Variants in SORCS2 observed in about 807,000 individuals in gnomAD.
SORCS2 encodes sortilin related VPS10 domain containing receptor 2.
SORCS2 carries 100 observed loss-of-function variants against 141.6 expected under a neutral mutation model. The observed-to-expected ratio is 0.71, with a 90% CI of 0.60 to 0.83. SORCS2 has a LOEUF of 0.83. Among genes scored for constraint, SORCS2 ranks in the 40% least tolerant of loss-of-function variants. SORCS2 has a pLI of 0.00. For synonymous variants in SORCS2, 789 were observed against 676.9 expected (o/e 1.17, Z -2.57); for missense variants, 1,646 against 1,560.2 (o/e 1.05, Z -0.93).
intron 1 of SORCS2, among the ~76,000 whole-genome samples, chr4:7,226,371 G>A (rs757238366): frequency 6.6e-6 from 1 of 152,192 alleles, no homozygotes; most frequent in Non-Finnish European, 1.5e-5. Flanking sequence ...GGACCTCTGC[G>A]TGTCCTTCCA....
chr4:7,331,617 C>T (rs1400716832), intron 1 of SORCS2, among the ~76,000 whole-genome samples: 1 of 152,092 alleles, frequency 6.6e-6, no homozygotes, highest in Non-Finnish European at 1.5e-5. Context: ...AGATCCTCTA[C>T]AGCAGCAGGT....
At chr4:7,520,107 A>C (rs1205814950) in intron 2 of SORCS2, among the ~76,000 whole-genome samples, 1 of 152,182 alleles carries the variant, frequency 6.6e-6, no homozygotes, top group Non-Finnish European at 1.5e-5. Flanking sequence ...TTGGCTGACC[A>C]GGGTGGACTC....
At chr4:7,563,016 A>G (rs1000194654) in intron 3 of SORCS2, among the ~76,000 whole-genome samples, 18 of 152,320 alleles carry the variant, frequency 1.2e-4, no homozygotes, top group Non-Finnish European at 2.5e-4. Context: ...TGTGTGGAGC[A>G]CCATTTAACC....
intron 3 of SORCS2, among the ~76,000 whole-genome samples, chr4:7,631,875 G>A (rs1719920577): frequency 6.6e-6 from 1 of 152,224 alleles, no homozygotes; most frequent in Non-Finnish European, 1.5e-5. Context: ...CTGTCTTTGA[G>A]GGTGGGAGGG....
intron 1 of SORCS2, among the ~76,000 whole-genome samples, chr4:7,224,835 A>T (rs1017998154): frequency 3.3e-5 from 5 of 152,170 alleles, no homozygotes; most frequent in African/African-American, 9.7e-5. Context: ...GTCCTCTCTC[A>T]TGAGCTCACT....
chr4:7,483,503 C>T (rs919777542), intron 2 of SORCS2, among the ~76,000 whole-genome samples: 17 of 151,992 alleles, frequency 1.1e-4, no homozygotes, highest in South Asian at 4.2e-4. Context: ...GTACTGTTGA[C>T]GCCTCGATTT....
intron 2 of SORCS2, among the ~76,000 whole-genome samples, chr4:7,424,256 CCT>C (rs1442508104): frequency 2.0e-5 from 3 of 152,200 alleles, no homozygotes; most frequent in Admixed American, 2.0e-4. Context: ...GCCTCTGGCT[CCT>C]CGTCTGAAGG....
chr4:7,725,998 C>T (rs1292222172), intron 20 of SORCS2, among the ~76,000 whole-genome samples: 1 of 152,366 alleles, frequency 6.6e-6, no homozygotes, highest in Middle Eastern at 3.4e-3. Flanking sequence ...GCTGAATGCT[C>T]CACACATGTC....
chr4:7,413,580 G>T (rs1725468147), intron 2 of SORCS2, among the ~76,000 whole-genome samples: 1 of 151,940 alleles, frequency 6.6e-6, no homozygotes, highest in Non-Finnish European at 1.5e-5. Context: ...TGGAGATGGG[G>T]TTTTGCCACA....
In SORCS2 at chr4:7,712,814, C is replaced by T. The variant is rs376764109; in HGVS notation, c.1950C>T (p.Gly650=). Reference sequence around the variant, plus strand: ...GGCCCTCATTCTCCAGGCAGTGCGGCGAGGAGGACTACAGCTCCTGGGAGC... The same window carrying T: ...GGCCCTCATTCTCCAGGCAGTGCGGTGAGGAGGACTACAGCTCCTGGGAGC... ...DFRPSFSRQC[G]EEDYSSWELS... Residue 650 remains glycine (G), a synonymous_variant, in exon 15 of 27, where the codon GGC becomes GGT. Coordinates refer to ENST00000507866, the MANE Select transcript of SORCS2 (RefSeq NM_020777.3). The T allele has an allele frequency of 3.2e-5, 52 of 1,613,954 alleles. No homozygotes were observed. Among genetic ancestry groups the T allele is most frequent in the Admixed American group, 2.5e-4 (15 of 60,020 alleles).
chr4:7,737,258 CCGCTGGGCCGCTGGGGCCAGCAAAA>C, intron 26 of SORCS2, 86 bp downstream of exon 26: 1 of 1,520,412 alleles, frequency 6.6e-7, no homozygotes, highest in East Asian at 2.5e-5. Flanking sequence ...ACAGGCCACC[CCGCTGGGCCGCTGGGGCCAGCAAAA>C]CGCTGGCCCA....
At chr4:7,647,174 C>G (rs940514292) in intron 4 of SORCS2, among the ~76,000 whole-genome samples, 2 of 152,024 alleles carry the variant, frequency 1.3e-5, no homozygotes, top group African/African-American at 4.8e-5. Context: ...GACCCCCATT[C>G]CAGATGATTG....
chr4:7,715,439 T>G, intron 17 of SORCS2, 128 bp downstream of exon 17: 1 of 1,396,698 alleles, frequency 7.2e-7, no homozygotes, highest in Admixed American at 2.3e-5. Context: ...GAAAGAGAGG[T>G]CAAAGTTGAG....
At chr4:7,525,774 C>G (rs1042646552) in intron 2 of SORCS2, among the ~76,000 whole-genome samples, 11 of 140,674 alleles carry the variant, frequency 7.8e-5, no homozygotes, top group Admixed American at 7.0e-5. Flanking sequence ...CACCTGTCCC[C>G]TCCTGCAGTC....
intron 3 of SORCS2, among the ~76,000 whole-genome samples, chr4:7,548,954 A>C (rs970592385): frequency 6.6e-6 from 1 of 152,204 alleles, no homozygotes; most frequent in African/African-American, 2.4e-5. Flanking sequence ...AGGCATCAGC[A>C]TAGCCTGGGG....
chr4:7,425,000 C>T (rs1298625982), intron 2 of SORCS2, among the ~76,000 whole-genome samples: 1 of 152,254 alleles, frequency 6.6e-6, no homozygotes, highest in Non-Finnish European at 1.5e-5. Flanking sequence ...CCCTGGCCTT[C>T]TGTGACCTTG....
chr4:7,385,758 A>G (rs1723257012), intron 1 of SORCS2, among the ~76,000 whole-genome samples: 1 of 152,188 alleles, frequency 6.6e-6, no homozygotes, highest in Non-Finnish European at 1.5e-5. Context: ...ACACTGATCC[A>G]ACCTTTGTTC....
intron 16 of SORCS2, 34 bp downstream of exon 16, chr4:7,714,407 G>A: frequency 6.5e-7 from 1 of 1,541,872 alleles, no homozygotes. Context: ...GAGGCCTCAG[G>A]CGCTGCTTGA....
At chr4:7,303,966 G>A (rs1273819524) in intron 1 of SORCS2, among the ~76,000 whole-genome samples, 1 of 152,278 alleles carries the variant, frequency 6.6e-6, no homozygotes, top group East Asian at 1.9e-4. Context: ...GCACATGTGT[G>A]ATTTTGTGGG....
Sources: gnomAD v4.1 joint callset for allele counts (sites outside exome capture counted in the v4.1 genomes callset) on GRCh38, gnomAD v4.1.1 for gene constraint, MANE v1.5 for transcripts, NCBI Gene and HGNC (gene_info 2026-07-23, HGNC 2026-07-21) for gene names.